The following SLC9A9 variants were observed in gnomAD, a reference collection of about 807,000 sequenced individuals.
SLC9A9 encodes the protein solute carrier family 9 member A9.
Under a neutral mutation model 77.8 loss-of-function variants are expected in SLC9A9, and 62 were observed. That is an observed-to-expected ratio of 0.80 (90% confidence interval 0.65 to 0.98). The LOEUF (loss-of-function observed/expected upper bound fraction) is 0.98, where lower values mean the gene tolerates loss of function less well. Ranked by LOEUF, SLC9A9 falls within the 50% of genes least tolerant of loss-of-function variation. The pLI, the probability that SLC9A9 is intolerant of heterozygous loss-of-function variation, is 0.00. For missense variants in SLC9A9, 775 were observed against 774.9 expected (o/e 1.00, Z 0.00); for synonymous variants, 320 against 283.5 (o/e 1.13, Z -1.29).
intron 6 of SLC9A9, among the ~76,000 whole-genome samples, chr3:143,600,354 G>A (rs767807940): frequency 6.6e-6 from 1 of 152,154 alleles, no homozygotes; most frequent in African/African-American, 2.4e-5. Context: ...TAAAGAAAAT[G>A]TGGCACATAT....
intron 9 of SLC9A9, among the ~76,000 whole-genome samples, chr3:143,518,982 C>T (rs1044298066): frequency 1.3e-5 from 2 of 152,338 alleles, no homozygotes; most frequent in Admixed American, 6.5e-5. Flanking sequence ...GCTCCACATC[C>T]TTGCCCAAAC....
intron 14 of SLC9A9, among the ~76,000 whole-genome samples, chr3:143,329,880 C>T (rs1471720806): frequency 6.6e-6 from 1 of 152,128 alleles, no homozygotes; most frequent in South Asian, 2.1e-4. Flanking sequence ...TTTTGTTCCG[C>T]ACCTTTCCTC....
intron 6 of SLC9A9, among the ~76,000 whole-genome samples, chr3:143,626,199 T>G (rs1044051303): frequency 5.3e-5 from 8 of 152,340 alleles, no homozygotes; most frequent in African/African-American, 1.9e-4. Flanking sequence ...ATTGTGGAAG[T>G]CAGTGTGGCG....
chr3:143,781,091 T>C (rs771573847), intron 4 of SLC9A9, among the ~76,000 whole-genome samples: 4 of 152,194 alleles, frequency 2.6e-5, no homozygotes, highest in Non-Finnish European at 5.9e-5. Flanking sequence ...GTGTGGTACA[T>C]GTGTTACAAT....
intron 2 of SLC9A9, among the ~76,000 whole-genome samples, chr3:143,802,585 C>T (rs56300534): frequency 0.47 from 72,163 of 151,956 alleles, 17,522 homozygotes; most frequent in South Asian, 0.63. Context: ...TCAGACATAA[C>T]TCCTCAGTTT....
chr3:143,475,125 A>ATTTTTTTTT (rs35148633), intron 11 of SLC9A9, among the ~76,000 whole-genome samples: 1 of 134,680 alleles, frequency 7.4e-6, no homozygotes. Context: ...CACCTGGCTC[A>ATTTTTTTTT]TTTTTTTTTT....
At chr3:143,567,013 A>G (rs2037179881) in intron 8 of SLC9A9, among the ~76,000 whole-genome samples, 1 of 152,134 alleles carries the variant, frequency 6.6e-6, no homozygotes, top group Non-Finnish European at 1.5e-5. Context: ...AAGTATTTTC[A>G]ATATTCATTT....
intron 4 of SLC9A9, among the ~76,000 whole-genome samples, chr3:143,715,474 C>G (rs140234140): frequency 9.9e-5 from 15 of 152,210 alleles, no homozygotes; most frequent in Admixed American, 4.6e-4. Flanking sequence ...TGAAAGAATA[C>G]GATCTCCTTA....
rs150952360 is a variant in SLC9A9, at chr3:143,818,464, G to A, written c.378+13555C>T. The stretch of plus-strand genomic sequence containing the variant: ...TGGAATTACAGGGATGCACCGCCAC[G>A]CCCAGCTGATTTTTGTATTTTCAGT... On this transcript the variant is annotated intron_variant, in intron 2 of 15. Transcript: ENST00000316549. Among the ~76,000 whole-genome samples the A allele has an allele frequency of 5.8e-3, 879 of 152,024 alleles. 8 individuals are homozygous for A. The highest frequency in any genetic ancestry group is 0.02 in the African/African-American group (848 of 41,484).
At chr3:143,360,091 T>G (rs1257564936) in intron 14 of SLC9A9, among the ~76,000 whole-genome samples, 3 of 152,204 alleles carry the variant, frequency 2.0e-5, no homozygotes, top group Non-Finnish European at 4.4e-5. Context: ...TAATCAAGTT[T>G]GTTTAGGTAT....
At chr3:143,383,247 C>T (rs2033345360) in intron 12 of SLC9A9, among the ~76,000 whole-genome samples, 1 of 152,206 alleles carries the variant, frequency 6.6e-6, no homozygotes, top group Admixed American at 6.5e-5. Context: ...TGCCAGGCAC[C>T]ATAGGACACG....
At chr3:143,481,064 A>G (rs1157499608) in intron 11 of SLC9A9, among the ~76,000 whole-genome samples, 2 of 152,236 alleles carry the variant, frequency 1.3e-5, no homozygotes, top group African/African-American at 4.8e-5. Flanking sequence ...TGGGTATATC[A>G]TTCATTCACC....
intron 9 of SLC9A9, among the ~76,000 whole-genome samples, chr3:143,538,248 T>G (rs2036627015): frequency 6.6e-6 from 1 of 152,184 alleles, no homozygotes; most frequent in Admixed American, 6.5e-5. Context: ...AAGGTTAGAT[T>G]GTCTCAAACT....
intron 4 of SLC9A9, among the ~76,000 whole-genome samples, chr3:143,768,566 G>T (rs780255427): frequency 2.0e-5 from 3 of 152,178 alleles, no homozygotes; most frequent in East Asian, 1.9e-4. Context: ...AGATATCAAA[G>T]AATTATTTTA....
chr3:143,805,877 T>C (rs2008698685), intron 2 of SLC9A9, among the ~76,000 whole-genome samples: 1 of 152,188 alleles, frequency 6.6e-6, no homozygotes, highest in East Asian at 1.9e-4. Context: ...AAAAGCTTTA[T>C]TGCTCACACA....
intron 1 of SLC9A9, among the ~76,000 whole-genome samples, chr3:143,839,419 A>G (rs551740090): frequency 1.5e-3 from 228 of 152,262 alleles, no homozygotes; most frequent in Middle Eastern, 3.4e-3. Flanking sequence ...AACTGCCAGA[A>G]AGTCCCAAAC....
At chr3:143,612,871 G>A (rs2038045027) in intron 6 of SLC9A9, among the ~76,000 whole-genome samples, 1 of 152,122 alleles carries the variant, frequency 6.6e-6, no homozygotes, top group Non-Finnish European at 1.5e-5. Context: ...GCTTAAAGAA[G>A]CATCTTATAA....
chr3:143,343,099 T>C (rs1486752108), intron 14 of SLC9A9, among the ~76,000 whole-genome samples: 2 of 152,246 alleles, frequency 1.3e-5, no homozygotes, highest in Non-Finnish European at 2.9e-5. Flanking sequence ...TTCACTGAAA[T>C]GACTGATATG....
In SLC9A9 at chr3:143,462,934, G is replaced by A. The variant is rs567899314; in HGVS notation, c.1469+4103C>T. On this transcript the variant is annotated intron_variant, in intron 12 of 15. Coordinates refer to ENST00000316549, the MANE Select transcript of SLC9A9 (RefSeq NM_173653.4). ...TGCAGCCTGGCGGTGGTGTAACCAT[G>A]GGCCACGGTGGCAGTTGTCAACCAC... is the stretch of plus-strand genomic sequence containing the variant. 2.6e-5 allele frequency among the ~76,000 whole-genome samples: 4 copies of A among 152,274 alleles called. No homozygotes were observed. In the South Asian group the frequency reaches 8.3e-4, roughly 32 times the overall value.
Sources: gnomAD v4.1 joint callset for allele counts (sites outside exome capture counted in the v4.1 genomes callset) on GRCh38, gnomAD v4.1.1 for gene constraint, MANE v1.5 for transcripts, NCBI Gene and HGNC (gene_info 2026-07-23, HGNC 2026-07-21) for gene names.